The following MBTPS2 variants were observed in gnomAD, a reference collection of about 807,000 sequenced individuals.
MBTPS2 encodes the protein membrane bound transcription factor peptidase, site 2.
Under a neutral mutation model 35.4 loss-of-function variants are expected in MBTPS2, and 2 were observed. The observed-to-expected ratio is 0.06, with a 90% CI of 0.02 to 0.18. The LOEUF (loss-of-function observed/expected upper bound fraction) is 0.18. Ranked by LOEUF, MBTPS2 falls within the 10% of genes least tolerant of loss-of-function variation. The probability of loss-of-function intolerance (pLI) is 1.00; values close to 1 mark genes in which losing one functional copy is unlikely to be tolerated. For missense variants in MBTPS2, 244 were observed against 386.5 expected (o/e 0.63, Z 3.09); for synonymous variants, 125 against 140.4 (o/e 0.89, Z 0.77).
At chrX:21,866,280 A>G (rs1384956362) in intron 5 of MBTPS2, among the ~76,000 whole-genome samples, 2 of 111,180 alleles carry the variant, frequency 1.8e-5, no homozygotes, top group African/African-American at 6.5e-5. Flanking sequence ...GCATTCCATC[A>G]CAACTATTGA....
rs771579860 is a variant in MBTPS2 at position 21,839,847 on chromosome X, C to G, written c.75+38C>G. On this transcript the variant is annotated intron_variant, in intron 1 of 10. Coordinates refer to ENST00000379484, the MANE Select transcript of MBTPS2 (RefSeq NM_015884.4). ...GGCCTAAGGTCCAAGCCCGCGGTGC[C>G]CATGGCCGGAGCGCAAGGCCTTCTT... is the stretch of plus-strand genomic sequence containing the variant. 19 of 1,137,483 alleles carry G rather than the reference C, an allele frequency of 1.7e-5. No individual in the cohort carries two copies. In the South Asian group the frequency reaches 3.4e-4, roughly 21 times the overall value. 93.7% of individuals were successfully genotyped at this position (1,137,483 alleles called of 1,213,427 possible).
chrX:21,858,070 G>C (rs1474893609), intron 5 of MBTPS2: 1 of 124,784 alleles, frequency 8.0e-6, no homozygotes, highest in African/African-American at 3.2e-5. Context: ...GATAACTTTG[G>C]GAAAGATTTA....
chrX:21,857,174 A>G (rs1403955724), intron 5 of MBTPS2: 1 of 1,212,169 alleles, frequency 8.2e-7, no homozygotes, highest in Non-Finnish European at 1.1e-6. Context: ...TTGATCTCTC[A>G]GATCCTAAAC....
Position 21,839,742 on chromosome X carries a change from C to T in MBTPS2, c.8C>T (p.Pro3Leu). Residue 3 changes from proline (P) to leucine (L), a missense_variant, in exon 1 of 11, where the codon CCG becomes CTG. Pro to Leu is a moderately conservative substitution (Grantham distance 98). Coordinates refer to ENST00000379484, the MANE Select transcript of MBTPS2 (RefSeq NM_015884.4). The part of the protein sequence containing the change: MI[P>L]VSLVVVVVGG... ...TCTGCCGCCGCTGCCGCCATGATTC[C>T]GGTGTCGCTGGTGGTGGTGGTGGTG... 3 of 1,188,578 alleles carry T rather than the reference C, an allele frequency of 2.5e-6. No individual in the cohort carries two copies. Among genetic ancestry groups the T allele is most frequent in the Non-Finnish European group, 3.4e-6 (3 of 883,281 alleles).
intron 4 of MBTPS2, among the ~76,000 whole-genome samples, chrX:21,851,964 C>CTG (rs2092915272): frequency 8.9e-6 from 1 of 111,849 alleles, no homozygotes; most frequent in African/African-American, 3.3e-5. Flanking sequence ...TACTCAAAAC[C>CTG]CACTCACCTT....
chrX:21,860,272 G>A lies in MBTPS2; in HGVS notation c.670+6769G>A, dbSNP rs1178722953. The stretch of plus-strand genomic sequence containing the variant: ...CTTAAAAATACAAAAATTAGCTGGG[G>A]TTGCTGGCATAGCACCTGTAATTCC... On this transcript the variant is annotated intron_variant, in intron 5 of 10. Coordinates refer to ENST00000379484, the MANE Select transcript of MBTPS2 (RefSeq NM_015884.4). Among the ~76,000 whole-genome samples, 5 of 110,622 alleles carry A rather than the reference G, an allele frequency of 4.5e-5. No homozygotes were observed. The Admixed American group carries it at 4.8e-4, about 11-fold the overall frequency.
chrX:21,878,482 A>C lies in MBTPS2; in HGVS notation c.1066-15A>C, dbSNP rs1461782319. On this transcript the variant is annotated splice_polypyrimidine_tract_variant and intron_variant, in intron 8 of 10. Transcript: ENST00000379484. ...AATCATTTTTAATATTGACTGATTA[A>C]TATTTTATTTATAGCATACATGTCT... The C allele has an allele frequency of 8.7e-7, 1 of 1,155,110 alleles. No individual in the cohort carries two copies. Among genetic ancestry groups the C allele is most frequent in the South Asian group, 1.8e-5 (1 of 55,359 alleles).
At chrX:21,853,736 C>CT (rs1257588712) in intron 5 of MBTPS2, among the ~76,000 whole-genome samples, 1 of 111,640 alleles carries the variant, frequency 9.0e-6, no homozygotes, top group Non-Finnish European at 1.9e-5. Context: ...CAGAGGAAAA[C>CT]TTTGTTTTGT....
At chrX:21,862,097 A>G (rs766772596) in intron 5 of MBTPS2, among the ~76,000 whole-genome samples, 48 of 111,436 alleles carry the variant, frequency 4.3e-4, no homozygotes, top group African/African-American at 9.8e-4. Context: ...GTGGACCTAA[A>G]TCCAGCTCCA....
rs542223686 is a variant in MBTPS2, at chrX:21,862,933, C to CATATATATATATATATATATATAT, written c.671-5522_671-5499dup. ...AAATATATAAACATATATATATAAA[C>CATATATATATATATATATATATAT]ATATATATATATATATATATATATA... On this transcript the variant is annotated intron_variant, in intron 5 of 10. Transcript: ENST00000379484. Among the ~76,000 whole-genome samples the CATATATATATATATATATATATAT allele has an allele frequency of 3.0e-3, 84 of 27,651 alleles. 7 individuals are homozygous for CATATATATATATATATATATATAT. Among genetic ancestry groups the CATATATATATATATATATATATAT allele is most frequent in the Non-Finnish European group, 5.0e-3 (58 of 11,508 alleles). The allele number at this position is 27,651 out of a possible 115,157, so 24.0% of individuals were successfully genotyped here. A position where few individuals can be genotyped will look rare whatever the true frequency, so the allele number is the denominator to read the frequency against.
chrX:21,845,443 A>C lies in MBTPS2; in HGVS notation c.438+59A>C, dbSNP rs7063399. 4,312 of 1,060,480 alleles carry C rather than the reference A, an allele frequency of 4.1e-3. 118 individuals are homozygous for C. In the African/African-American group the frequency reaches 0.071, roughly 18 times the overall value. The allele number at this position is 1,060,480 out of a possible 1,213,427, so 87.4% of individuals were successfully genotyped here. Reference sequence around the variant, plus strand: ...GAAATAGAGATGCAAGATACCACTTATGATCTAGTGTAACTCCTATCCATA... The same window carrying C: ...GAAATAGAGATGCAAGATACCACTTCTGATCTAGTGTAACTCCTATCCATA... On this transcript the variant is annotated intron_variant, in intron 3 of 10. Transcript: ENST00000379484.
chrX:21,860,892 C>T (rs2092930598), intron 5 of MBTPS2, among the ~76,000 whole-genome samples: 2 of 111,921 alleles, frequency 1.8e-5, no homozygotes, highest in South Asian at 3.7e-4. Flanking sequence ...AAGTGAATAT[C>T]TTTTATAATC....
Position 21,845,346 on chromosome X carries a change from T to C in MBTPS2, c.400T>C (p.Ser134Pro). Residue 134 changes from serine (S) to proline (P), a missense_variant, in exon 3 of 11, where the codon TCT becomes CCT. By Grantham distance (74) the Ser-to-Pro change is moderately conservative (BLOSUM62 -1). Coordinates refer to ENST00000379484, the MANE Select transcript of MBTPS2 (RefSeq NM_015884.4). Reference protein sequence around the residue: ...SSSSSSSSSSSSSLHNEQVLQ... With the variant: ...SSSSSSSSSSPSSLHNEQVLQ... ...CTCTTCCTCTTCTTCATCTTCTTCC[T>C]CTTCCTCGCTTCACAATGAACAGGT... 1 of 1,204,102 alleles carries C rather than the reference T, an allele frequency of 8.3e-7. No individual in the cohort carries two copies. Among genetic ancestry groups the C allele is most frequent in the Non-Finnish European group, 1.1e-6 (1 of 889,006 alleles).
At chrX:21,856,236 T>A (rs2092921157) in intron 5 of MBTPS2, 1 of 388,122 alleles carries the variant, frequency 2.6e-6, no homozygotes, top group South Asian at 5.4e-5. Flanking sequence ...CGTCTGGCTA[T>A]CCCAGAAGCA....
chrX:21,884,928 G>T lies in MBTPS2; in HGVS notation c.*2273G>T, dbSNP rs1805763124. On this transcript the variant is annotated 3_prime_UTR_variant, in exon 11 of 11. Coordinates refer to ENST00000379484, the MANE Select transcript of MBTPS2 (RefSeq NM_015884.4). ...TGGCATATTATCATCTTCATGGAAAGAATCCACTGTGGTTTCTGTAGAGTG... is the reference window on the plus strand; with the variant it reads ...TGGCATATTATCATCTTCATGGAAATAATCCACTGTGGTTTCTGTAGAGTG... The T allele has an allele frequency of 1.3e-6, 1 of 753,955 alleles. No individual in the cohort carries two copies. The highest frequency in any genetic ancestry group is 1.6e-6 in the Non-Finnish European group (1 of 638,881). The allele number at this position is 753,955 out of a possible 1,213,427, so 62.1% of individuals were successfully genotyped here.
At chrX:21,876,434 C>T (rs1158231556) in intron 7 of MBTPS2, among the ~76,000 whole-genome samples, 1 of 110,520 alleles carries the variant, frequency 9.0e-6, no homozygotes, top group Admixed American at 9.7e-5. Flanking sequence ...GGCATGGTGG[C>T]ACGTGCCTGT....
chrX:21,857,246 C>T (rs1347426005), intron 5 of MBTPS2: 12 of 1,210,209 alleles, frequency 9.9e-6, no homozygotes, highest in Non-Finnish European at 1.2e-5. Flanking sequence ...CCAAAACAGT[C>T]CCTTGCTCTT....
intron 5 of MBTPS2, chrX:21,857,822 G>A (rs1279638062): frequency 2.8e-6 from 1 of 360,254 alleles, no homozygotes; most frequent in African/African-American, 2.6e-5. Flanking sequence ...AGATGCCATA[G>A]CTTGTTCTGT....
At chrX:21,879,728 A>G (rs990260519) in intron 9 of MBTPS2, among the ~76,000 whole-genome samples, 4 of 109,636 alleles carry the variant, frequency 3.6e-5, no homozygotes, top group Non-Finnish European at 7.6e-5. Flanking sequence ...TCTCCAATCT[A>G]CTTTCTGTTT....
Sources: allele counts gnomAD v4.1 joint callset (sites outside exome capture counted in the v4.1 genomes callset), GRCh38; gene constraint gnomAD v4.1.1; transcripts MANE v1.5; gene names NCBI Gene and HGNC (gene_info 2026-07-23, HGNC 2026-07-21).